The following TRPM5 variants were observed in gnomAD, a reference collection of about 807,000 sequenced individuals.
TRPM5 encodes the protein MLSN1 and TRP-related.
In TRPM5, 121 loss-of-function variants were observed where a neutral mutation model predicts 124.9. The ratio of observed to expected loss-of-function variants is 0.97; its 90% CI spans 0.84 to 1.13. TRPM5 has a LOEUF of 1.13. Among genes scored for constraint, TRPM5 ranks in the 50% most tolerant of loss-of-function variants. The pLI, the probability that TRPM5 is intolerant of heterozygous loss-of-function variation, is 0.00. For synonymous variants in TRPM5, 781 were observed against 700.5 expected (o/e 1.11, Z -1.81); for missense variants, 1,643 against 1,589.1 (o/e 1.03, Z -0.58).
chr11:2,424,907 T>A (rs2522011), upstream of TRPM5, among the ~76,000 whole-genome samples: 1 of 152,230 alleles, frequency 6.6e-6, no homozygotes, highest in Non-Finnish European at 1.5e-5. Flanking sequence ...CTCAGCCCCC[T>A]CCTCCGGCCA....
chr11:2,412,729 G>A, intron 15 of TRPM5, 25 bp downstream of exon 20: 1 of 1,563,926 alleles, frequency 6.4e-7, no homozygotes, highest in Non-Finnish European at 8.7e-7. Context: ...GAGTGGAGGG[G>A]ACCTAGGCTA....
At chr11:2,434,799 T>C in the TRPM5 span, among the ~76,000 whole-genome samples, 1 of 152,102 alleles carries the variant, frequency 6.6e-6, no homozygotes, top group Non-Finnish European at 1.5e-5. Flanking sequence ...GTGTGAGCAT[T>C]GGGCCAGGAG....
At position 2,419,622 on chromosome 11, in the gene TRPM5, C is replaced by CAA. The variant is rs3986606; in HGVS notation, c.649+598_649+599dup. Among the ~76,000 whole-genome samples the CAA allele has an allele frequency of 4.0e-3, 504 of 126,904 alleles. 4 individuals are homozygous for CAA. The highest frequency in any genetic ancestry group is 0.013 in the African/African-American group (465 of 35,746). The allele number at this position is 126,904 out of a possible 152,430, so 83.3% of individuals were successfully genotyped here. On this transcript the variant is annotated intron_variant, in intron 4 of 23. Transcript: ENST00000155858. ...TGGGGGACAGAGTGAGATTCTGCCT[C>CAA]AAAAAAAAAAAAAAAAAACAGAGGG...
At chr11:2,411,026 C>T (rs917660168) in intron 18 of TRPM5, among the ~76,000 whole-genome samples, 4 of 152,168 alleles carry the variant, frequency 2.6e-5, no homozygotes, top group Non-Finnish European at 1.5e-5. Flanking sequence ...ATAGACCACC[C>T]CCAGAGCAAG....
chr11:2,415,002 C>T (rs374233310), exon 10 of TRPM5: 6 of 1,605,336 alleles, frequency 3.7e-6, no homozygotes, highest in African/African-American at 2.7e-5. Context: ...TGGTTCAGGT[C>T]CAGCAGCCAC....
rs533197634 is a variant in TRPM5 at position 2,407,758 on chromosome 11, C to T, written c.2936+1G>A. The stretch of plus-strand genomic sequence containing the variant: ...CTCCTCCAGGGGTTGGGTGGAGTCA[C>T]CTGAACATGGCGATGAGCAGGTTCA... On this transcript the variant is annotated splice_donor_variant, in intron 19 of 23. Coordinates refer to ENST00000155858, the Ensembl canonical transcript of TRPM5. LOFTEE classifies it high-confidence loss of function. 61 of 1,613,408 alleles carry T rather than the reference C, an allele frequency of 3.8e-5. No individual in the cohort carries two copies. Among genetic ancestry groups the T allele is most frequent in the Non-Finnish European group, 5.1e-5 (60 of 1,179,854 alleles).
chr11:2,413,937 C>G, intron 12 of TRPM5, 124 bp downstream of exon 17: 1 of 1,348,374 alleles, frequency 7.4e-7, no homozygotes, highest in Non-Finnish European at 1.0e-6. Context: ...CCCACCCCGC[C>G]CCCTCTGTGC....
chr11:2,436,498 G>A, the TRPM5 span, among the ~76,000 whole-genome samples: 4 of 152,246 alleles, frequency 2.6e-5, no homozygotes, highest in Non-Finnish European at 5.9e-5. Context: ...ACACGTCCCG[G>A]ACAGGCCTGC....
At chr11:2,435,798 T>C in the TRPM5 span, among the ~76,000 whole-genome samples, 1 of 152,208 alleles carries the variant, frequency 6.6e-6, no homozygotes, top group African/African-American at 2.4e-5. The surrounding 1 kb of genome is among the most constrained non-coding windows in gnomAD (Gnocchi z 4.1). Flanking sequence ...TCTACCCGTC[T>C]GTCCATCACT....
chr11:2,435,120 G>A, the TRPM5 span, among the ~76,000 whole-genome samples: 4 of 152,114 alleles, frequency 2.6e-5, no homozygotes, highest in South Asian at 4.1e-4. The surrounding 1 kb of genome is among the most constrained non-coding windows in gnomAD (Gnocchi z 4.1). Context: ...TTTATTGAGC[G>A]ACTTCTATGT....
At chr11:2,411,896 C>A (rs1055262691) in intron 16 of TRPM5, 129 bp from the exon 22 acceptor site, 2 of 1,177,784 alleles carry the variant, frequency 1.7e-6, no homozygotes, top group Admixed American at 4.9e-5. Context: ...TGAGTGGCTT[C>A]ATCTTTTGTT....
chr11:2,405,558 A>G (rs2133495315), exon 23 of TRPM5: 1 of 1,566,254 alleles, frequency 6.4e-7, no homozygotes, highest in Non-Finnish European at 8.7e-7. Context: ...CCAGCACGTC[A>G]GCCACGGAGG....
chr11:2,411,217 C>T (rs1386135281), intron 18 of TRPM5, 135 bp downstream of exon 23: 5 of 1,129,614 alleles, frequency 4.4e-6, no homozygotes, highest in Non-Finnish European at 6.0e-6. Context: ...AGGCCTCAGC[C>T]ACTTCTCCCA....
upstream of TRPM5, among the ~76,000 whole-genome samples, chr11:2,423,836 C>T (rs1044379714): frequency 6.6e-6 from 1 of 152,186 alleles, no homozygotes. Flanking sequence ...CCCCTCAGCG[C>T]CCTGGCTCCG....
the TRPM5 span, among the ~76,000 whole-genome samples, chr11:2,437,843 G>A: frequency 1.2e-4 from 18 of 152,266 alleles, no homozygotes; most frequent in South Asian, 3.1e-3. This position sits in a 1 kb window ranked among gnomAD's most constrained non-coding sequence, Gnocchi z 5.6. Context: ...GGGGCAGGTA[G>A]TTAGGGAATA....
upstream of TRPM5, among the ~76,000 whole-genome samples, chr11:2,423,350 A>G (rs1045130519): frequency 1.3e-5 from 2 of 152,166 alleles, no homozygotes; most frequent in African/African-American, 2.4e-5. Context: ...CACCCCACTC[A>G]GGGCACCTCA....
intron 8 of TRPM5, 22 bp from the exon 14 acceptor site, chr11:2,415,493 A>G: frequency 6.7e-7 from 1 of 1,498,188 alleles, no homozygotes; most frequent in Non-Finnish European, 9.0e-7. Context: ...TGGGCACCCG[A>G]GGGAAGGGGG....
chr11:2,443,264 G>A, the TRPM5 span, among the ~76,000 whole-genome samples: 1 of 152,190 alleles, frequency 6.6e-6, no homozygotes, highest in East Asian at 1.9e-4. The surrounding 1 kb of genome is among the most constrained non-coding windows in gnomAD (Gnocchi z 5.0). Flanking sequence ...CTGTCCAGTT[G>A]TCCAAACGCT....
At chr11:2,430,928 G>T in the TRPM5 span, among the ~76,000 whole-genome samples, 64 of 152,114 alleles carry the variant, frequency 4.2e-4, no homozygotes, top group African/African-American at 1.5e-3. Context: ...TGGTGGTGAT[G>T]GAGGTGGTAG....
Sources: allele counts gnomAD v4.1 joint callset (sites outside exome capture counted in the v4.1 genomes callset), GRCh38; gene constraint gnomAD v4.1.1; non-coding constraint Gnocchi (gnomAD v3.1); transcripts MANE v1.5; gene names NCBI Gene and HGNC (gene_info 2026-07-23, HGNC 2026-07-21).